The following BHMT2 variants were observed in gnomAD, a reference collection of about 807,000 sequenced individuals.
BHMT2 encodes betaine--homocysteine S-methyltransferase 2.
A neutral mutation model predicts 39.0 loss-of-function variants in BHMT2; 28 were observed. The ratio of observed to expected loss-of-function variants is 0.72; its 90% CI spans 0.53 to 0.98. The LOEUF (loss-of-function observed/expected upper bound fraction) is 0.98. BHMT2 is among the 50% of genes least tolerant of loss of function. The probability of loss-of-function intolerance (pLI) is 0.00; values close to 1 mark genes in which losing one functional copy is unlikely to be tolerated. For missense variants in BHMT2, 410 were observed against 455.6 expected, an observed-to-expected ratio of 0.90 and a Z score of 0.91; for synonymous variants, 145 against 160.6, an observed-to-expected ratio of 0.90 and a Z score of 0.74.
intron 1 of BHMT2, among the ~76,000 whole-genome samples, chr5:79,071,870 A>G (rs1308540087): frequency 6.6e-6 from 1 of 151,574 alleles, no homozygotes; most frequent in African/African-American, 2.4e-5. Context: ...ATACTGGTAT[A>G]GTAATTAATT....
rs1017847510 is a variant in BHMT2, at chr5:79,080,995, G to T, written c.450+117G>T. The T allele has an allele frequency of 8.2e-6, 8 of 977,042 alleles. No homozygotes were observed. In the African/African-American group the frequency reaches 1.0e-4, roughly 13 times the overall value. 60.5% of individuals were successfully genotyped at this position (977,042 alleles called of 1,614,324 possible). On this transcript the variant is annotated intron_variant, in intron 4 of 7. Coordinates refer to ENST00000255192, the MANE Select transcript of BHMT2 (RefSeq NM_017614.5). ...TGCCCTCATTTCTTCCATGTGGATGGTCAAAGGTTTATTTAAATGCATGGT... is the reference window on the plus strand; with the variant it reads ...TGCCCTCATTTCTTCCATGTGGATGTTCAAAGGTTTATTTAAATGCATGGT...
At chr5:79,075,725 A>G (rs917902143) in intron 1 of BHMT2, among the ~76,000 whole-genome samples, 1 of 152,218 alleles carries the variant, frequency 6.6e-6, no homozygotes, top group African/African-American at 2.4e-5. Flanking sequence ...GAAAGCAGTG[A>G]GGGGATGACC....
chr5:79,084,462 C>T (rs1232867010), intron 7 of BHMT2, among the ~76,000 whole-genome samples: 5 of 151,984 alleles, frequency 3.3e-5, no homozygotes, highest in African/African-American at 1.2e-4. Flanking sequence ...TTAGTAGAGA[C>T]GGGGTTTCAC....
intron 3 of BHMT2, among the ~76,000 whole-genome samples, chr5:79,080,270 A>C (rs965239285): frequency 6.6e-6 from 1 of 152,230 alleles, no homozygotes; most frequent in Non-Finnish European, 1.5e-5. Context: ...AAGAGTAAGT[A>C]AGACCAAGGA....
At chr5:79,070,225 C>T (rs1368441626) in intron 1 of BHMT2, among the ~76,000 whole-genome samples, 1 of 152,178 alleles carries the variant, frequency 6.6e-6, no homozygotes, top group African/African-American at 2.4e-5. Context: ...TGGGCTAATC[C>T]GTCCGGGAAC....
intron 3 of BHMT2, among the ~76,000 whole-genome samples, chr5:79,080,387 A>G (rs1221505652): frequency 1.3e-5 from 2 of 152,246 alleles, no homozygotes; most frequent in Non-Finnish European, 2.9e-5. Flanking sequence ...TATCTGTTAC[A>G]GTCCATTCTC....
rs151011560 is a variant in BHMT2, at chr5:79,078,779, T to G, written c.167-590T>G. On this transcript the variant is annotated intron_variant, in intron 2 of 7. Transcript: ENST00000255192. ...ATCTGGCCCAAGAAGAACTTGTTCT[T>G]AATGTTAAAAGACCTTTTTGCTAAA... Among the ~76,000 whole-genome samples the G allele has an allele frequency of 6.5e-3, 988 of 152,368 alleles. 8 individuals carry two copies. Among genetic ancestry groups the G allele is most frequent in the African/African-American group, 0.022 (931 of 41,596 alleles).
At chr5:79,080,659 T>C (rs772027534) in intron 3 of BHMT2, 28 bp from the exon 4 acceptor site, 7 of 1,556,310 alleles carry the variant, frequency 4.5e-6, no homozygotes, top group Admixed American at 2.3e-5. Context: ...CTAGGCTCAC[T>C]ATCTGAACTC....
At chr5:79,082,473 C>T (rs574841696) in intron 4 of BHMT2, 1 of 182,356 alleles carries the variant, frequency 5.5e-6, no homozygotes, top group South Asian at 1.3e-4. Flanking sequence ...ATTAGCAAAA[C>T]TTTTCCTCCT....
At chr5:79,085,460 C>T (rs1755874669) in intron 7 of BHMT2, among the ~76,000 whole-genome samples, 1 of 152,196 alleles carries the variant, frequency 6.6e-6, no homozygotes, top group African/African-American at 2.4e-5. Context: ...GCTGGTGGAT[C>T]ACCTGAGGTC....
At chr5:79,083,892 C>G (rs773044516) in intron 7 of BHMT2, 36 bp downstream of exon 7, 2 of 1,564,814 alleles carry the variant, frequency 1.3e-6, no homozygotes, top group Non-Finnish European at 1.7e-6. Context: ...TATTATTTTC[C>G]TTTAATCTCA....
Position 79,082,898 on chromosome 5 carries a change from A to G in BHMT2, c.540A>G (p.Pro180=), listed in dbSNP as rs752701849. 2 of 1,614,212 alleles carry G rather than the reference A, an allele frequency of 1.2e-6. No homozygotes were observed. Among genetic ancestry groups the G allele is most frequent in the Non-Finnish European group, 8.5e-7 (1 of 1,180,046 alleles). ...RPVAVTMCIG[P]EGDMHDITPG... ...TGGCAGTTACCATGTGCATAGGCCC[A>G]GAGGGAGACATGCATGATATAACCC... The change falls in exon 5 of 8, where the codon CCA becomes CCG. Residue 180 remains proline, a synonymous_variant. Transcript: ENST00000255192.
chr5:79,078,171 A>T (rs1049839098), intron 2 of BHMT2: 3 of 152,134 alleles, frequency 2.0e-5, no homozygotes, highest in African/African-American at 7.2e-5. Context: ...GAGGGTGATT[A>T]ATGGTAGTCA....
At chr5:79,074,715 A>C (rs1755641216) in intron 1 of BHMT2, among the ~76,000 whole-genome samples, 2 of 152,214 alleles carry the variant, frequency 1.3e-5, no homozygotes, top group Non-Finnish European at 2.9e-5. Flanking sequence ...GTTTCTCTCC[A>C]AAATCTGTTC....
At chr5:79,087,398 A>G (rs1412734820) in intron 7 of BHMT2, among the ~76,000 whole-genome samples, 1 of 152,150 alleles carries the variant, frequency 6.6e-6, no homozygotes, top group Non-Finnish European at 1.5e-5. Flanking sequence ...TGATTAAAAT[A>G]GTTTAAATAA....
At chr5:79,074,464 A>C (rs1451829494) in intron 1 of BHMT2, among the ~76,000 whole-genome samples, 1 of 152,232 alleles carries the variant, frequency 6.6e-6, no homozygotes, top group Non-Finnish European at 1.5e-5. Context: ...GCTAAGGACA[A>C]AGACTCCTGT....
intron 7 of BHMT2, among the ~76,000 whole-genome samples, chr5:79,085,969 C>T (rs2112705075): frequency 6.6e-6 from 1 of 152,242 alleles, no homozygotes; most frequent in East Asian, 1.9e-4. Flanking sequence ...TTGCCTGGCA[C>T]CCTGATAGGA....
In BHMT2 at chr5:79,083,356, C is replaced by A. The variant is rs149118863; in HGVS notation, c.763C>A (p.Leu255Ile). The A allele has an allele frequency of 3.1e-6, 5 of 1,601,560 alleles. No homozygotes were observed. The Admixed American group carries it at 8.6e-5, about 28-fold the overall frequency. The change falls in exon 6 of 8, where the codon CTC becomes ATC. Residue 255 changes from leucine to isoleucine, a missense_variant. By Grantham distance (5) the Leu-to-Ile change is conservative (BLOSUM62 2). Transcript: ENST00000255192. ...PDCGKEGFVD[L>I]PEYPFGLESR... Reference sequence around the variant, plus strand: ...CTGTGGCAAAGAGGGGTTTGTGGATCTCCCAGAATATCCCTTTGGTAAGCT... The same window carrying A: ...CTGTGGCAAAGAGGGGTTTGTGGATATCCCAGAATATCCCTTTGGTAAGCT...
At chr5:79,074,807 G>A (rs1335996404) in intron 1 of BHMT2, among the ~76,000 whole-genome samples, 1 of 152,224 alleles carries the variant, frequency 6.6e-6, no homozygotes, top group East Asian at 1.9e-4. Flanking sequence ...TTGCAGCAAG[G>A]TAGAGCCATG....
Sources: gnomAD v4.1 joint callset for allele counts (sites outside exome capture counted in the v4.1 genomes callset) on GRCh38, gnomAD v4.1.1 for gene constraint, MANE v1.5 for transcripts, NCBI Gene and HGNC (gene_info 2026-07-23, HGNC 2026-07-21) for gene names.